The following SLC5A1 variants were observed in gnomAD, a reference collection of about 807,000 sequenced individuals.
The protein encoded by SLC5A1 is solute carrier family 5 member 1.
Under a neutral mutation model 73.5 loss-of-function variants are expected in SLC5A1, and 42 were observed. The observed-to-expected ratio is 0.57, with a 90% CI of 0.45 to 0.74. The LOEUF (loss-of-function observed/expected upper bound fraction) is 0.74, where lower values mean the gene tolerates loss of function less well. Among genes scored for constraint, SLC5A1 ranks in the 30% least tolerant of loss-of-function variants. SLC5A1 has a pLI of 0.00. For missense variants in SLC5A1, 634 were observed against 855.4 expected (o/e 0.74, Z 3.23); for synonymous variants, 300 against 317.4 (o/e 0.95, Z 0.58).
Position 32,083,167 on chromosome 22 carries a change from A to G in SLC5A1, c.664+13A>G. 6.2e-7 allele frequency: 1 copy of G among 1,612,324 alleles called. No homozygotes were observed. The highest frequency in any genetic ancestry group is 8.5e-7 in the Non-Finnish European group (1 of 1,178,436). On this transcript the variant is annotated intron_variant, in intron 7 of 14. Coordinates refer to ENST00000266088, the MANE Select transcript of SLC5A1 (RefSeq NM_000343.4). ...CTGACTGGGTTTGGTAAGTGGGGCC[A>G]GGGCAGGCTGAGGAGGTGGGAGCAG...
chr22:32,098,814 C>A (rs982055574), intron 11 of SLC5A1, among the ~76,000 whole-genome samples: 2 of 151,830 alleles, frequency 1.3e-5, no homozygotes, highest in African/African-American at 4.8e-5. Context: ...AGGCCGGGTG[C>A]GGTGGCTCAC....
chr22:32,082,335 TGGA>T (rs778418364), intron 6 of SLC5A1, among the ~76,000 whole-genome samples: 89 of 152,130 alleles, frequency 5.9e-4, no homozygotes, highest in Non-Finnish European at 7.1e-4. Context: ...TGCTCTTGGC[TGGA>T]GGAGGGTGGC....
At chr22:32,091,886 G>C in intron 11 of SLC5A1, 124 bp downstream of exon 11, 1 of 873,776 alleles carries the variant, frequency 1.1e-6, no homozygotes, top group Non-Finnish European at 1.9e-6. Context: ...TCTGTGGCTG[G>C]TTATATGTGC....
At chr22:32,101,344 A>G (rs2094036016) in intron 12 of SLC5A1, among the ~76,000 whole-genome samples, 1 of 152,148 alleles carries the variant, frequency 6.6e-6, no homozygotes, top group South Asian at 2.1e-4. Context: ...GAAGGAGTAA[A>G]AAAAACCCTG....
chr22:32,055,850 T>C (rs567256316), intron 2 of SLC5A1, among the ~76,000 whole-genome samples: 53 of 152,290 alleles, frequency 3.5e-4, no homozygotes, highest in African/African-American at 1.2e-3. Flanking sequence ...AAAATTAGCA[T>C]TCTCCTCTCC....
intron 10 of SLC5A1, among the ~76,000 whole-genome samples, chr22:32,087,900 G>A (rs188245221): frequency 5.9e-5 from 9 of 152,334 alleles, no homozygotes; most frequent in Admixed American, 6.5e-5. Context: ...AGGCAGGAAC[G>A]TGGTGTCTGG....
At chr22:32,060,098 T>C (rs1195057380) in intron 2 of SLC5A1, among the ~76,000 whole-genome samples, 2 of 145,402 alleles carry the variant, frequency 1.4e-5, no homozygotes, top group African/African-American at 2.6e-5. Context: ...TACACACACA[T>C]ATATATACAC....
intron 14 of SLC5A1, among the ~76,000 whole-genome samples, chr22:32,105,354 C>T (rs985329184): frequency 1.4e-5 from 2 of 146,204 alleles, no homozygotes; most frequent in African/African-American, 2.6e-5. Flanking sequence ...AGTGCAATGG[C>T]GCAATCTCGG....
intron 12 of SLC5A1, among the ~76,000 whole-genome samples, chr22:32,100,191 T>A (rs908157930): frequency 1.3e-5 from 2 of 152,204 alleles, no homozygotes; most frequent in African/African-American, 4.8e-5. Context: ...AGATGGAAGA[T>A]GTGGCTGGAA....
At chr22:32,066,345 TTAA>T (rs761965078) in intron 2 of SLC5A1, among the ~76,000 whole-genome samples, 69 of 152,196 alleles carry the variant, frequency 4.5e-4, no homozygotes, top group Non-Finnish European at 8.1e-4. Context: ...ATTATTATTA[TTAA>T]TATCATCTCT....
At chr22:32,060,138 TACACATACACACAC>T (rs199658101) in intron 2 of SLC5A1, among the ~76,000 whole-genome samples, 12 of 132,144 alleles carry the variant, frequency 9.1e-5, no homozygotes, top group Admixed American at 8.0e-4. Flanking sequence ...CACATATATA[TACACATACACACAC>T]ACACACACAC....
intron 2 of SLC5A1, among the ~76,000 whole-genome samples, chr22:32,063,760 G>A (rs940112263): frequency 1.3e-5 from 2 of 152,282 alleles, no homozygotes; most frequent in African/African-American, 4.8e-5. Context: ...GGCAGCACAA[G>A]GGCTATCTAG....
rs2094056112 is a variant in SLC5A1 at position 32,111,099 on chromosome 22, T to C, written c.*886T>C. On this transcript the variant is annotated 3_prime_UTR_variant, in exon 15 of 15. Coordinates refer to ENST00000266088, the MANE Select transcript of SLC5A1 (RefSeq NM_000343.4). ...GGCTACACAAAGTATGCTCACTGGT[T>C]ACTAATGACTTGGGATGCATTTGTC... is the stretch of plus-strand genomic sequence containing the variant. 1 of 152,206 alleles carries C rather than the reference T, an allele frequency of 6.6e-6. No homozygotes were observed. The highest frequency in any genetic ancestry group is 2.4e-5 in the African/African-American group (1 of 41,460). 9.4% of individuals were successfully genotyped at this position (152,206 alleles called of 1,614,324 possible).
chr22:32,110,329 AT>A lies in SLC5A1; in HGVS notation c.*117del. ...TTGTAAATTTTGCCCAGGTGGATAA[AT>A]GTGTACATGTGTAATTATAGGCTAG... is the stretch of plus-strand genomic sequence containing the variant. On this transcript the variant is annotated 3_prime_UTR_variant, in exon 15 of 15. Coordinates refer to ENST00000266088, the MANE Select transcript of SLC5A1 (RefSeq NM_000343.4). The A allele has an allele frequency of 1.3e-6, 1 of 754,402 alleles. No homozygotes were observed. The highest frequency in any genetic ancestry group is 2.4e-6 in the Non-Finnish European group (1 of 419,968). 46.7% of individuals were successfully genotyped at this position (754,402 alleles called of 1,614,324 possible). A position where few individuals can be genotyped will look rare whatever the true frequency, so the allele number is the denominator to read the frequency against.
intron 14 of SLC5A1, among the ~76,000 whole-genome samples, chr22:32,109,392 G>A (rs1603148809): frequency 6.6e-6 from 1 of 152,136 alleles, no homozygotes; most frequent in East Asian, 1.9e-4. Context: ...ATCAGGGCCA[G>A]GTGTGGACAG....
chr22:32,085,680 C>G (rs764154701), intron 9 of SLC5A1, among the ~76,000 whole-genome samples: 1 of 147,512 alleles, frequency 6.8e-6, no homozygotes, highest in East Asian at 2.0e-4. Context: ...TCTTTGATTT[C>G]TTTCCTCCGT....
chr22:32,096,719 C>A (rs1293544388), intron 11 of SLC5A1, among the ~76,000 whole-genome samples: 2 of 152,208 alleles, frequency 1.3e-5, no homozygotes, highest in Non-Finnish European at 2.9e-5. Flanking sequence ...AGAGGATCAA[C>A]AGGAGCCTTG....
intron 9 of SLC5A1, among the ~76,000 whole-genome samples, chr22:32,085,480 G>C (rs2094006587): frequency 6.6e-6 from 1 of 150,884 alleles, no homozygotes; most frequent in African/African-American, 2.4e-5. Flanking sequence ...GTGCTAGACA[G>C]TGAGCAACTT....
At chr22:32,087,445 T>C (rs2094010067) in intron 10 of SLC5A1, among the ~76,000 whole-genome samples, 1 of 152,036 alleles carries the variant, frequency 6.6e-6, no homozygotes, top group South Asian at 2.1e-4. Flanking sequence ...GTCCAAGGGG[T>C]TTTACCTGGA....
Sources: allele counts gnomAD v4.1 joint callset (sites outside exome capture counted in the v4.1 genomes callset), GRCh38; gene constraint gnomAD v4.1.1; transcripts MANE v1.5; gene names NCBI Gene and HGNC (gene_info 2026-07-23, HGNC 2026-07-21).